Variants in THSD7B observed in about 807,000 individuals in gnomAD.
THSD7B encodes thrombospondin type-1 domain-containing protein 7B.
A neutral mutation model predicts 213.6 loss-of-function variants in THSD7B; 138 were observed. The observed-to-expected ratio is 0.65, with a 90% CI of 0.56 to 0.74. The LOEUF (loss-of-function observed/expected upper bound fraction) is 0.74. Among genes scored for constraint, THSD7B ranks in the 30% least tolerant of loss-of-function variants. The pLI is 0.00. For synonymous variants in THSD7B, 742 were observed against 687.0 expected, an observed-to-expected ratio of 1.08 and a Z score of -1.25; for missense variants, 1,931 against 1,991.5, an observed-to-expected ratio of 0.97 and a Z score of 0.58.
intron 2 of THSD7B, among the ~76,000 whole-genome samples, chr2:136,897,302 C>A (rs1683977373): frequency 6.6e-6 from 1 of 152,006 alleles, no homozygotes; most frequent in Non-Finnish European, 1.5e-5. Context: ...GATAGTGTGT[C>A]CAGAGTTTGT....
chr2:136,982,762 C>T (rs1027448895), intron 2 of THSD7B, among the ~76,000 whole-genome samples: 2 of 152,104 alleles, frequency 1.3e-5, no homozygotes, highest in Non-Finnish European at 2.9e-5. Context: ...ACATGGTTCC[C>T]AGCCTAGGTT....
intron 10 of THSD7B, among the ~76,000 whole-genome samples, chr2:137,266,602 T>C (rs1393631510): frequency 1.3e-5 from 2 of 152,150 alleles, no homozygotes; most frequent in Non-Finnish European, 2.9e-5. Context: ...TAATGGGTAA[T>C]AGGAATATTT....
At chr2:137,593,317 G>T (rs1334813606) in intron 17 of THSD7B, among the ~76,000 whole-genome samples, 1 of 151,836 alleles carries the variant, frequency 6.6e-6, no homozygotes, top group Non-Finnish European at 1.5e-5. Context: ...TAAAATAGGT[G>T]TATATTAATT....
At chr2:137,317,403 G>A (rs1259407831) in intron 12 of THSD7B, among the ~76,000 whole-genome samples, 3 of 152,228 alleles carry the variant, frequency 2.0e-5, no homozygotes, top group Admixed American at 2.0e-4. Context: ...ACATGCAGAG[G>A]CACCTTTTGA....
At chr2:137,277,933 G>T (rs1265239055) in intron 12 of THSD7B, among the ~76,000 whole-genome samples, 1 of 152,088 alleles carries the variant, frequency 6.6e-6, no homozygotes, top group African/African-American at 2.4e-5. Flanking sequence ...ACTCTACAGA[G>T]TCAGATTTCT....
At chr2:137,363,471 C>G (rs1685322154) in intron 12 of THSD7B, among the ~76,000 whole-genome samples, 1 of 151,946 alleles carries the variant, frequency 6.6e-6, no homozygotes, top group South Asian at 2.1e-4. Context: ...AAAAGATCAA[C>G]AAAATTGATA....
rs140886201 is a variant in THSD7B at position 136,890,305 on chromosome 2, T to TCCTCCTCC, written c.139+7988_139+7989insCCTCCTCC. On this transcript the variant is annotated intron_variant, in intron 2 of 27. Coordinates refer to ENST00000409968, the MANE Select transcript of THSD7B (RefSeq NM_001316349.2). The stretch of plus-strand genomic sequence containing the variant: ...CTCATTCATGTCCATGTCCTACTCC[T>TCCTCCTCC]TCTTCTTCTTCTTCTTCTTCTTCTT... 3.9e-4 allele frequency among the ~76,000 whole-genome samples: 12 copies of TCCTCCTCC among 30,464 alleles called. 2 individuals carry two copies. The highest frequency in any genetic ancestry group is 1.6e-3 in the Admixed American group (4 of 2,544). The allele number at this position is 30,464 out of a possible 152,430, so 20.0% of individuals were successfully genotyped here.
intron 2 of THSD7B, among the ~76,000 whole-genome samples, chr2:137,000,961 A>C: frequency 6.6e-6 from 1 of 152,142 alleles, no homozygotes; most frequent in Non-Finnish European, 1.5e-5. Context: ...TACTCTCATG[A>C]GAACTAAAGT....
chr2:137,176,820 T>A (rs1680366533), intron 7 of THSD7B, among the ~76,000 whole-genome samples: 1 of 152,186 alleles, frequency 6.6e-6, no homozygotes, highest in South Asian at 2.1e-4. Flanking sequence ...TTTGAAGCTG[T>A]TTCCTTATTG....
chr2:137,297,981 A>C (rs1683507429), intron 12 of THSD7B, among the ~76,000 whole-genome samples: 1 of 152,174 alleles, frequency 6.6e-6, no homozygotes, highest in Non-Finnish European at 1.5e-5. Context: ...CATTGTTGAA[A>C]GAATACCCAA....
intron 2 of THSD7B, among the ~76,000 whole-genome samples, chr2:137,037,601 C>G (rs958599561): frequency 1.3e-5 from 2 of 151,996 alleles, no homozygotes; most frequent in East Asian, 3.9e-4. Flanking sequence ...CTTGATTTGA[C>G]AGGTGGGGAA....
chr2:137,001,216 T>A (rs1263200422), intron 2 of THSD7B, among the ~76,000 whole-genome samples: 1 of 152,158 alleles, frequency 6.6e-6, no homozygotes, highest in Non-Finnish European at 1.5e-5. Flanking sequence ...AGTGTGGTGA[T>A]GACTGATGAG....
chr2:136,829,137 C>A (rs1001159834), intron 1 of THSD7B, among the ~76,000 whole-genome samples: 3 of 150,074 alleles, frequency 2.0e-5, no homozygotes, highest in Admixed American at 1.3e-4. Context: ...TCTGTAAGGA[C>A]AGATTGTAAT....
chr2:137,585,911 G>A (rs1419770872), intron 17 of THSD7B, among the ~76,000 whole-genome samples: 1 of 151,878 alleles, frequency 6.6e-6, no homozygotes, highest in Non-Finnish European at 1.5e-5. Context: ...TTTCTTTCTC[G>A]ATCTGTCTAA....
In THSD7B at chr2:137,321,205, A is replaced by C. The variant is rs535988016; in HGVS notation, c.2500+45179A>C. Among the ~76,000 whole-genome samples the C allele has an allele frequency of 3.3e-4, 51 of 152,300 alleles. 1 individual carries two copies. The highest frequency in any genetic ancestry group is 3.4e-3 in the Middle Eastern group (1 of 294). ...TTTCCATTTTAGGGGGAAACTGAAC[A>C]TATGCTGTAGTTTAGAGTATTATGT... On this transcript the variant is annotated intron_variant, in intron 12 of 27. Transcript: ENST00000409968.
intron 12 of THSD7B, among the ~76,000 whole-genome samples, chr2:137,332,579 A>G: frequency 6.6e-6 from 1 of 152,172 alleles, no homozygotes. Context: ...GTGTTTTGAA[A>G]TGTGAGGACA....
At chr2:136,768,100 C>A (rs1318555807) in intron 1 of THSD7B, among the ~76,000 whole-genome samples, 1 of 152,002 alleles carries the variant, frequency 6.6e-6, no homozygotes, top group African/African-American at 2.4e-5. Context: ...GCTGAGTGTG[C>A]CTTTTGAGAG....
intron 2 of THSD7B, among the ~76,000 whole-genome samples, chr2:137,021,528 C>G (rs1473675253): frequency 6.6e-6 from 1 of 152,132 alleles, no homozygotes; most frequent in African/African-American, 2.4e-5. Context: ...TTATATGAAT[C>G]TACTTAAAAA....
intron 12 of THSD7B, among the ~76,000 whole-genome samples, chr2:137,288,407 A>G (rs569592661): frequency 2.0e-5 from 3 of 152,162 alleles, no homozygotes; most frequent in Admixed American, 6.5e-5. Context: ...TAGCAAGTAC[A>G]TAAAGTAACC....
Sources: gnomAD v4.1 joint callset for allele counts (sites outside exome capture counted in the v4.1 genomes callset) on GRCh38, gnomAD v4.1.1 for gene constraint, MANE v1.5 for transcripts, NCBI Gene and HGNC (gene_info 2026-07-23, HGNC 2026-07-21) for gene names.